The following TNRC6C variants were observed in gnomAD, a reference collection of about 807,000 sequenced individuals.
The protein encoded by TNRC6C is trinucleotide repeat-containing gene 6C protein.
In TNRC6C, 20 loss-of-function variants were observed where a neutral mutation model predicts 153.7. The observed-to-expected ratio is 0.13, with a 90% CI of 0.09 to 0.19. TNRC6C has a LOEUF of 0.19. Among genes scored for constraint, TNRC6C ranks in the 10% least tolerant of loss-of-function variants. TNRC6C has a pLI of 1.00. For missense variants in TNRC6C, 1,987 were observed against 2,172.0 expected (o/e 0.91, Z 1.69); for synonymous variants, 811 against 841.4 (o/e 0.96, Z 0.63).
At chr17:78,091,735 C>T (rs2073397774) in intron 14 of TNRC6C, 128 bp downstream of exon 16, 2 of 1,112,590 alleles carry the variant, frequency 1.8e-6, no homozygotes, top group Non-Finnish European at 2.3e-6. Flanking sequence ...TAAAATAACC[C>T]ATTCCATTAT....
At chr17:78,031,964 C>A in intron 2 of TNRC6C, 122 bp downstream of exon 4, 1 of 792,618 alleles carries the variant, frequency 1.3e-6, no homozygotes, top group Non-Finnish European at 1.7e-6. Context: ...CAGAGACAGA[C>A]AAATTCATTT....
chr17:78,021,250 G>A (rs953621158), intron 1 of TNRC6C, among the ~76,000 whole-genome samples: 1 of 152,236 alleles, frequency 6.6e-6, no homozygotes, highest in African/African-American at 2.4e-5. Context: ...GTCCAGGGCT[G>A]GAGAATGAGT....
chr17:78,076,244 A>G (rs893135182), intron 8 of TNRC6C, among the ~76,000 whole-genome samples: 5 of 152,038 alleles, frequency 3.3e-5, no homozygotes, highest in Non-Finnish European at 7.4e-5. Context: ...AAAAAAAAAA[A>G]AGGAAAGGCT....
intron 1 of TNRC6C, among the ~76,000 whole-genome samples, chr17:77,983,351 A>C (rs578205052): frequency 6.6e-6 from 1 of 152,318 alleles, no homozygotes; most frequent in African/African-American, 2.4e-5. Flanking sequence ...AACAGGTAGG[A>C]AAAGAGGTCA....
chr17:77,992,797 A>AC (rs2071271824), intron 1 of TNRC6C, among the ~76,000 whole-genome samples: 1 of 152,210 alleles, frequency 6.6e-6, no homozygotes, highest in Admixed American at 6.5e-5. Context: ...CCCTTGTAGA[A>AC]CAGGTGGGTG....
chr17:77,997,481 T>G (rs556314895), intron 1 of TNRC6C, among the ~76,000 whole-genome samples: 5 of 152,156 alleles, frequency 3.3e-5, no homozygotes, highest in Admixed American at 3.3e-4. Context: ...GGTCCTCTGG[T>G]TAACAAAGAC....
intron 1 of TNRC6C, among the ~76,000 whole-genome samples, chr17:77,968,595 G>A (rs557946294): frequency 2.0e-5 from 3 of 152,178 alleles, no homozygotes; most frequent in African/African-American, 7.2e-5. Flanking sequence ...CGCCCACCTC[G>A]GCCTCCCAAA....
chr17:78,100,463 T>G (rs2073569737), intron 17 of TNRC6C, among the ~76,000 whole-genome samples: 1 of 152,260 alleles, frequency 6.6e-6, no homozygotes, highest in Non-Finnish European at 1.5e-5. Context: ...GCTTGGAGAT[T>G]GCTCCCTCTG....
chr17:78,051,489 A>AT (rs2072535243), intron 3 of TNRC6C, 41 bp downstream of exon 5: 1 of 1,394,776 alleles, frequency 7.2e-7, no homozygotes, highest in East Asian at 2.6e-5. Context: ...GTAAAAAAAA[A>AT]AAAAAAAAAG....
At chr17:78,042,289 T>G (rs954945093) in intron 2 of TNRC6C, among the ~76,000 whole-genome samples, 5 of 152,182 alleles carry the variant, frequency 3.3e-5, no homozygotes, top group African/African-American at 4.8e-5. Flanking sequence ...TATTTGATAA[T>G]AGAATGTTGT....
At position 78,103,591 on chromosome 17, in the gene TNRC6C, C is replaced by T; in HGVS notation, c.4712+38C>T. On this transcript the variant is annotated intron_variant, in intron 19 of 19. Transcript: ENST00000301624. Reference sequence around the variant, plus strand: ...ACAGCCACCTCAGCGCTCCAAGTAGCTCCCCATCCCCCAGAGCATTAGGTT... The same window carrying T: ...ACAGCCACCTCAGCGCTCCAAGTAGTTCCCCATCCCCCAGAGCATTAGGTT... 2.5e-6 allele frequency: 4 copies of T among 1,612,454 alleles called. No homozygotes were observed. The Admixed American group carries it at 5.0e-5, about 20-fold the overall frequency.
intron 2 of TNRC6C, among the ~76,000 whole-genome samples, chr17:78,033,355 C>T (rs1048470525): frequency 7.9e-5 from 12 of 152,080 alleles, no homozygotes; most frequent in Non-Finnish European, 1.8e-4. Flanking sequence ...GAAAATACTC[C>T]TAGTTCATAG....
At chr17:78,044,823 G>T (rs376257263) in intron 2 of TNRC6C, among the ~76,000 whole-genome samples, 4 of 152,332 alleles carry the variant, frequency 2.6e-5, no homozygotes, top group African/African-American at 9.6e-5. Context: ...TGCCACCCTG[G>T]TTGGTCTAAG....
chr17:77,999,615 T>C (rs535233925), upstream of TNRC6C, among the ~76,000 whole-genome samples: 1 of 152,286 alleles, frequency 6.6e-6, no homozygotes, highest in South Asian at 2.1e-4. Context: ...TACCACTAAA[T>C]GTAGTGGCTT....
chr17:78,031,921 T>TA (rs1450904777), intron 2 of TNRC6C, 79 bp downstream of exon 4: 94 of 1,200,994 alleles, frequency 7.8e-5, no homozygotes, highest in Non-Finnish European at 9.2e-5. Flanking sequence ...GCAATAGAAA[T>TA]AGACATATTT....
intron 1 of TNRC6C, among the ~76,000 whole-genome samples, chr17:77,985,646 T>G (rs567241622): frequency 9.9e-5 from 15 of 151,800 alleles, no homozygotes; most frequent in Non-Finnish European, 2.2e-4. Flanking sequence ...TGTCTCATAC[T>G]TTGAACTTCT....
chr17:78,030,308 C>T (rs1024102179), intron 1 of TNRC6C, among the ~76,000 whole-genome samples: 2 of 148,566 alleles, frequency 1.3e-5, no homozygotes, highest in African/African-American at 4.9e-5. Flanking sequence ...TGCCACCACA[C>T]CTGGCTTGTG....
intron 1 of TNRC6C, among the ~76,000 whole-genome samples, chr17:78,006,075 G>C (rs562554213): frequency 2.3e-4 from 35 of 152,224 alleles, no homozygotes; most frequent in Admixed American, 6.5e-4. Flanking sequence ...TCAAAGTTAA[G>C]GTTATGTGTA....
intron 1 of TNRC6C, among the ~76,000 whole-genome samples, chr17:77,962,176 G>T (rs999703955): frequency 6.6e-6 from 1 of 152,174 alleles, no homozygotes; most frequent in Non-Finnish European, 1.5e-5. Context: ...ACTGATGAAA[G>T]TTAATTGTTT....
Sources: allele counts gnomAD v4.1 joint callset (sites outside exome capture counted in the v4.1 genomes callset), GRCh38; gene constraint gnomAD v4.1.1; transcripts MANE v1.5; gene names NCBI Gene and HGNC (gene_info 2026-07-23, HGNC 2026-07-21).